VAC14: variants seen among roughly 807,000 people sequenced by gnomAD.
The protein encoded by VAC14 is protein VAC14 homolog.
Under a neutral mutation model 85.3 loss-of-function variants are expected in VAC14, and 47 were observed. That is an observed-to-expected ratio of 0.55 (90% CI 0.44 to 0.70). VAC14 has a LOEUF of 0.70. Ranked by LOEUF, VAC14 falls within the 30% of genes least tolerant of loss-of-function variation. The probability of loss-of-function intolerance (pLI) is 0.00; values close to 1 mark genes in which losing one functional copy is unlikely to be tolerated. For synonymous variants in VAC14, 447 were observed against 430.5 expected, an observed-to-expected ratio of 1.04 and a Z score of -0.47; for missense variants, 861 against 1,004.3, an observed-to-expected ratio of 0.86 and a Z score of 1.93.
At chr16:70,786,169 G>T in intron 2 of VAC14, 46 bp downstream of exon 2, 1 of 1,598,658 alleles carries the variant, frequency 6.3e-7, no homozygotes, top group Non-Finnish European at 8.5e-7. Flanking sequence ...CTTGGTCAGC[G>T]TCAAGGCCAG....
chr16:70,795,819 C>T (rs1421322545), intron 1 of VAC14, among the ~76,000 whole-genome samples: 1 of 152,166 alleles, frequency 6.6e-6, no homozygotes, highest in Non-Finnish European at 1.5e-5. Context: ...GAGGTAGAAC[C>T]ACAGATGGAA....
chr16:70,725,322 G>A (rs1472414436), intron 14 of VAC14, among the ~76,000 whole-genome samples: 2 of 152,242 alleles, frequency 1.3e-5, no homozygotes, highest in Non-Finnish European at 2.9e-5. Flanking sequence ...CAGACGGCCG[G>A]TGGCCTTGGA....
At chr16:70,774,413 G>A (rs1254190298) in intron 9 of VAC14, among the ~76,000 whole-genome samples, 1 of 152,198 alleles carries the variant, frequency 6.6e-6, no homozygotes, top group Non-Finnish European at 1.5e-5. Context: ...TCGGGGGAAC[G>A]TGTTGTCTGT....
At chr16:70,740,957 G>T (rs889920651) in intron 13 of VAC14, among the ~76,000 whole-genome samples, 3 of 152,250 alleles carry the variant, frequency 2.0e-5, no homozygotes, top group Non-Finnish European at 1.5e-5. Context: ...AGCTACCCAG[G>T]CATGTGATGG....
intron 9 of VAC14, chr16:70,773,233 T>A (rs2033338089): frequency 6.6e-6 from 1 of 152,182 alleles, no homozygotes; most frequent in South Asian, 2.1e-4. Context: ...TCTATCTCAA[T>A]AAAGGGCTTA....
At chr16:70,747,218 CA>C (rs1257654548) in intron 12 of VAC14, 5 of 152,138 alleles carry the variant, frequency 3.3e-5, no homozygotes, top group Non-Finnish European at 7.3e-5. Context: ...AAGCCAGCCA[CA>C]AAGTCCACAT....
chr16:70,771,876 T>C (rs1039456892), intron 10 of VAC14: 42 of 513,642 alleles, frequency 8.2e-5, no homozygotes, highest in Non-Finnish European at 1.3e-4. Context: ...CCACCATGTC[T>C]GGCCCCCAGT....
At chr16:70,691,172 G>C in intron 18 of VAC14, 1 of 985,520 alleles carries the variant, frequency 1.0e-6, no homozygotes. Context: ...TTCTACCCTG[G>C]TTTGAGGAGT....
rs2032434562 is a variant in VAC14, at chr16:70,762,076, GAA to G, written c.1371+462_1371+463del. 6.6e-6 allele frequency among the ~76,000 whole-genome samples: 1 copy of G among 151,868 alleles called. No individual in the cohort carries two copies. Among genetic ancestry groups the G allele is most frequent in the Non-Finnish European group, 1.5e-5 (1 of 68,006 alleles). ...CCCAGCTGCTCCAGAAGGGACTACA[GAA>G]GAGTCCTCACTCCTAAAGTGAGTTT... On this transcript the variant is annotated intron_variant, in intron 12 of 18. Coordinates refer to ENST00000261776, the MANE Select transcript of VAC14 (RefSeq NM_018052.5). The surrounding 1 kb of genome is among the most constrained non-coding windows in gnomAD (Gnocchi z 4.1).
At chr16:70,705,838 G>A (rs982864126) in intron 14 of VAC14, among the ~76,000 whole-genome samples, 1 of 152,224 alleles carries the variant, frequency 6.6e-6, no homozygotes, top group Non-Finnish European at 1.5e-5. Flanking sequence ...CCACTCTCGC[G>A]TGCCATCGAT....
At chr16:70,780,734 A>G (rs1157670480) in intron 9 of VAC14, 56 bp downstream of exon 9, 1 of 1,524,150 alleles carries the variant, frequency 6.6e-7, no homozygotes, top group Non-Finnish European at 8.8e-7. Context: ...CTCCTATGAC[A>G]TCTGGCTCCC....
Position 70,784,858 on chromosome 16 carries a change from G to T in VAC14, c.424-20C>A, listed in dbSNP as rs1400172614. 4 of 1,612,504 alleles carry T rather than the reference G, an allele frequency of 2.5e-6. No homozygotes were observed. The African/African-American group carries it at 4.0e-5, about 16-fold the overall frequency. On this transcript the variant is annotated intron_variant, in intron 3 of 18. Coordinates refer to ENST00000261776, the MANE Select transcript of VAC14 (RefSeq NM_018052.5). ...TGCCAGCTGCAAGAGGCACAGACAG[G>T]GGAGGGACACAGAGGCGAGGGTCAC...
chr16:70,759,893 G>A (rs760383037), intron 12 of VAC14, among the ~76,000 whole-genome samples: 16 of 152,186 alleles, frequency 1.1e-4, no homozygotes, highest in Non-Finnish European at 2.2e-4. Flanking sequence ...TCTGGCTCTG[G>A]GTTTGGGCTC....
At chr16:70,788,021 A>G (rs998497241) in intron 1 of VAC14, among the ~76,000 whole-genome samples, 1 of 152,040 alleles carries the variant, frequency 6.6e-6, no homozygotes, top group African/African-American at 2.4e-5. Flanking sequence ...AACTGCAGGC[A>G]CTCTCTCTCC....
At position 70,783,427 on chromosome 16, in the gene VAC14, G is replaced by A; in HGVS notation, c.704+18C>T. On this transcript the variant is annotated intron_variant, in intron 6 of 18. Coordinates refer to ENST00000261776, the MANE Select transcript of VAC14 (RefSeq NM_018052.5). ...GGGTGGCAGGAGGCAGCAGCTTCCT[G>A]CCCCTTACTCCACTCACATTTTGCG... 1 of 1,612,464 alleles carries A rather than the reference G, an allele frequency of 6.2e-7. No homozygotes were observed. Among genetic ancestry groups the A allele is most frequent in the Non-Finnish European group, 8.5e-7 (1 of 1,178,860 alleles).
intron 1 of VAC14, among the ~76,000 whole-genome samples, chr16:70,789,668 G>A (rs1043060310): frequency 2.0e-4 from 31 of 152,198 alleles, no homozygotes; most frequent in African/African-American, 7.2e-4. Flanking sequence ...AACTGAGAAT[G>A]ACTTGTTTCT....
Position 70,792,894 on chromosome 16 carries a change from C to T in VAC14, c.105-6529G>A, listed in dbSNP as rs1458251474. On this transcript the variant is annotated intron_variant, in intron 1 of 18. Coordinates refer to ENST00000261776, the MANE Select transcript of VAC14 (RefSeq NM_018052.5). ...AGGGGTCAGTTATTCCCGACGATAC[C>T]TCCTGCTGTAGCTATTATTATTTCA... Among the ~76,000 whole-genome samples the T allele has an allele frequency of 3.3e-5, 5 of 152,280 alleles. No individual in the cohort carries two copies. In the East Asian group the frequency reaches 7.7e-4, roughly 24 times the overall value.
intron 13 of VAC14, among the ~76,000 whole-genome samples, chr16:70,735,341 T>TTGGCCAGAAGCATCAGATG (rs11274369): frequency 0.22 from 32,773 of 151,776 alleles, 7,181 homozygotes; most frequent in African/African-American, 0.57. Flanking sequence ...GGAACCAAAC[T>TTGGCCAGAAGCATCAGATG]TGGCCAGAAG....
rs73575044 is a variant in VAC14 at position 70,692,104 on chromosome 16, C to T, written c.2186+717G>A. The T allele has an allele frequency of 3.1e-6, 3 of 982,270 alleles. No homozygotes were observed. The African/African-American group carries it at 5.3e-5, about 17-fold the overall frequency. 60.8% of individuals were successfully genotyped at this position (982,270 alleles called of 1,614,324 possible). On this transcript the variant is annotated intron_variant, in intron 18 of 18. Coordinates refer to ENST00000261776, the MANE Select transcript of VAC14 (RefSeq NM_018052.5). ...CCAAATGCCTGTGGATGAGGCAAAG[C>T]CTCCAAGGGTTACCAAATATAGATG... is the stretch of plus-strand genomic sequence containing the variant.
Sources: gnomAD v4.1 joint callset for allele counts (sites outside exome capture counted in the v4.1 genomes callset) on GRCh38, gnomAD v4.1.1 for gene constraint, Gnocchi (gnomAD v3.1) non-coding constraint, MANE v1.5 for transcripts, NCBI Gene and HGNC (gene_info 2026-07-23, HGNC 2026-07-21) for gene names.